Variants in C8orf34 observed in about 807,000 individuals in gnomAD.
The protein encoded by C8orf34 is uncharacterized protein C8orf34.
C8orf34 carries 65 observed loss-of-function variants against 68.3 expected under a neutral mutation model. The ratio of observed to expected loss-of-function variants is 0.95; its 90% CI spans 0.78 to 1.17. The LOEUF is 1.17. C8orf34 is among the 50% of genes most tolerant of loss of function. The pLI is 0.00. For synonymous variants in C8orf34, 244 were observed against 241.2 expected, an observed-to-expected ratio of 1.01 and a Z score of -0.11; for missense variants, 664 against 655.4, an observed-to-expected ratio of 1.01 and a Z score of -0.14.
intron 1 of C8orf34, among the ~76,000 whole-genome samples, chr8:68,344,575 T>C (rs998024960): frequency 1.3e-5 from 2 of 152,194 alleles, no homozygotes; most frequent in Non-Finnish European, 2.9e-5. Context: ...GGGATTTCTT[T>C]ATATTATTTC....
rs747862590 is a variant in C8orf34 at position 68,575,956 on chromosome 8, G to GGTTTTTTTTTTTTTTTTT, written c.1105+42807_1105+42808insGTTTTTTTTTTTTTTTTT. Reference sequence around the variant, plus strand: ...GCTGACATAATGCTAGTAGATGGTTGTTTTTTTTTTTTTTTTTTTTTGCCT... The same window carrying GGTTTTTTTTTTTTTTTTT: ...GCTGACATAATGCTAGTAGATGGTTGGTTTTTTTTTTTTTTTTTTTTTTTTTTTTTTTTTTTTTTGCCT... On this transcript the variant is annotated intron_variant, in intron 7 of 13. Transcript: ENST00000518698. 2.1e-5 allele frequency among the ~76,000 whole-genome samples: 2 copies of GGTTTTTTTTTTTTTTTTT among 96,348 alleles called. 1 individual carries two copies. The highest frequency in any genetic ancestry group is 4.2e-5 in the Non-Finnish European group (2 of 47,324). The allele number at this position is 96,348 out of a possible 152,430, so 63.2% of individuals were successfully genotyped here. A position where few individuals can be genotyped will look rare whatever the true frequency, so the allele number is the denominator to read the frequency against.
Position 68,521,883 on chromosome 8 carries a change from C to G in C8orf34, c.850C>G (p.Leu284Val), listed in dbSNP as rs768861046. 9.9e-6 allele frequency: 16 copies of G among 1,614,056 alleles called. No individual in the cohort carries two copies. Reference protein sequence around the residue: ...IGREENDADPLAAEMLQPPIP... With the variant: ...IGREENDADPVAAEMLQPPIP... ...TAGAGAAGAAAATGATGCTGATCCC[C>G]TAGCTGCTGAAATGCTACAGCCTCC... Residue 284 changes from leucine to valine, a missense_variant, in exon 6 of 14, where the codon CTA becomes GTA. Transcript: ENST00000518698.
chr8:68,617,767 A>G (rs2130611162), intron 7 of C8orf34, among the ~76,000 whole-genome samples: 1 of 151,892 alleles, frequency 6.6e-6, no homozygotes, highest in South Asian at 2.1e-4. Context: ...TGTGTCTTGG[A>G]GTTGTTCTTC....
chr8:68,464,889 T>G (rs539697440), intron 3 of C8orf34, among the ~76,000 whole-genome samples: 1,816 of 151,668 alleles, frequency 0.012, 32 homozygotes, highest in African/African-American at 0.042. Context: ...CATAGGCATG[T>G]GCAAGGACTT....
chr8:68,692,823 T>G (rs779709978), intron 8 of C8orf34, among the ~76,000 whole-genome samples: 1 of 152,058 alleles, frequency 6.6e-6, no homozygotes, highest in Non-Finnish European at 1.5e-5. Context: ...CTTAACTGCC[T>G]TCAGTGTACA....
At chr8:68,397,441 A>G (rs1014410279) in intron 1 of C8orf34, among the ~76,000 whole-genome samples, 61 of 152,174 alleles carry the variant, frequency 4.0e-4, no homozygotes, top group African/African-American at 1.4e-3. Context: ...AAACTAATAA[A>G]TTAACTATTT....
intron 1 of C8orf34, among the ~76,000 whole-genome samples, chr8:68,357,955 G>A (rs755137089): frequency 2.6e-5 from 4 of 152,066 alleles, no homozygotes; most frequent in African/African-American, 7.2e-5. Flanking sequence ...ATTATCATGG[G>A]CATTTATACC....
intron 7 of C8orf34, among the ~76,000 whole-genome samples, chr8:68,558,673 AT>A (rs1447896512): frequency 6.6e-6 from 1 of 152,140 alleles, no homozygotes; most frequent in African/African-American, 2.4e-5. Flanking sequence ...CTAGCAAAAA[AT>A]ATGTTTAGAT....
chr8:68,710,405 G>T (rs1258568774), intron 9 of C8orf34, among the ~76,000 whole-genome samples: 1 of 152,056 alleles, frequency 6.6e-6, no homozygotes, highest in Non-Finnish European at 1.5e-5. Flanking sequence ...CACAGTGGGT[G>T]TGCCTGGAAA....
chr8:68,768,459 A>G (rs1217470630), intron 10 of C8orf34, among the ~76,000 whole-genome samples: 5 of 152,160 alleles, frequency 3.3e-5, no homozygotes, highest in Non-Finnish European at 7.4e-5. Flanking sequence ...TCTCATCAAC[A>G]CTTTTAATTC....
chr8:68,438,745 A>G (rs868728723), intron 1 of C8orf34: 9 of 152,154 alleles, frequency 5.9e-5, no homozygotes, highest in African/African-American at 2.2e-4. Flanking sequence ...AATGGACTAC[A>G]TATTGGAGAT....
chr8:68,622,355 G>A (rs975039119), intron 7 of C8orf34, among the ~76,000 whole-genome samples: 1 of 152,156 alleles, frequency 6.6e-6, no homozygotes, highest in Non-Finnish European at 1.5e-5. Context: ...CAGGGATCAT[G>A]GGGCCATGTT....
intron 8 of C8orf34, among the ~76,000 whole-genome samples, chr8:68,642,513 A>G (rs1035150875): frequency 1.3e-5 from 2 of 152,242 alleles, no homozygotes; most frequent in Non-Finnish European, 2.9e-5. Context: ...AGGAAAACTC[A>G]TGAAACACCT....
Position 68,491,824 on chromosome 8 carries a change from C to T in C8orf34, c.765+3773C>T, listed in dbSNP as rs145613317. Reference sequence around the variant, plus strand: ...CTGGGAAGTCGTGATTCTGCCCACACTGCCACTATCCAAGTTCAAATGGTA... The same window carrying T: ...CTGGGAAGTCGTGATTCTGCCCACATTGCCACTATCCAAGTTCAAATGGTA... On this transcript the variant is annotated intron_variant, in intron 5 of 13. Coordinates refer to ENST00000518698, the MANE Select transcript of C8orf34 (RefSeq NM_052958.4). Among the ~76,000 whole-genome samples the T allele has an allele frequency of 4.9e-4, 74 of 152,340 alleles. 1 individual carries two copies. Among genetic ancestry groups the T allele is most frequent in the African/African-American group, 1.7e-3 (70 of 41,592 alleles).
At chr8:68,412,580 A>T (rs1295182393) in intron 1 of C8orf34, among the ~76,000 whole-genome samples, 1 of 152,120 alleles carries the variant, frequency 6.6e-6, no homozygotes, top group Non-Finnish European at 1.5e-5. Flanking sequence ...ACCCGCTAAT[A>T]CTACACCTAT....
intron 4 of C8orf34, among the ~76,000 whole-genome samples, chr8:68,478,179 T>A (rs1166779846): frequency 6.6e-6 from 1 of 152,124 alleles, no homozygotes; most frequent in Non-Finnish European, 1.5e-5. Context: ...TTTTATGCTC[T>A]GCTTCCCTTT....
At chr8:68,744,126 T>A (rs1234521875) in intron 10 of C8orf34, among the ~76,000 whole-genome samples, 1 of 152,162 alleles carries the variant, frequency 6.6e-6, no homozygotes, top group Non-Finnish European at 1.5e-5. Context: ...AGGGGCAGAC[T>A]GACACCTCAC....
chr8:68,708,542 A>G (rs1482656299), intron 8 of C8orf34, among the ~76,000 whole-genome samples: 1 of 152,162 alleles, frequency 6.6e-6, no homozygotes, highest in Non-Finnish European at 1.5e-5. Flanking sequence ...ATCTCGACCC[A>G]CAGGCCTTGA....
intron 1 of C8orf34, among the ~76,000 whole-genome samples, chr8:68,367,927 A>AAAAAAAAAAAAAAAAAAAG (rs1807374981): frequency 6.8e-6 from 1 of 148,018 alleles, no homozygotes; most frequent in African/African-American, 2.5e-5. Context: ...AAAAAAAAAA[A>AAAAAAAAAAAAAAAAAAAG]AAAAAAAAAA....
Sources: gnomAD v4.1 joint callset for allele counts (sites outside exome capture counted in the v4.1 genomes callset) on GRCh38, gnomAD v4.1.1 for gene constraint, MANE v1.5 for transcripts, NCBI Gene and HGNC (gene_info 2026-07-23, HGNC 2026-07-21) for gene names.